The following CADPS variants were observed in gnomAD, a reference collection of about 807,000 sequenced individuals.
CADPS encodes the protein calcium dependent secretion activator, also known as calcium-dependent secretion activator 1.
In CADPS, 57 loss-of-function variants were observed where a neutral mutation model predicts 167.3. The ratio of observed to expected loss-of-function variants is 0.34; its 90% CI spans 0.28 to 0.42. The LOEUF (loss-of-function observed/expected upper bound fraction) is 0.42, where lower values mean the gene tolerates loss of function less well. CADPS is among the 20% of genes least tolerant of loss of function. The pLI is 1.00. For missense variants in CADPS, 1,414 were observed against 1,738.1 expected (o/e 0.81, Z 3.32); for synonymous variants, 676 against 635.3 (o/e 1.06, Z -0.96).
intron 21 of CADPS, among the ~76,000 whole-genome samples, chr3:62,485,611 A>T (rs1213265624): frequency 6.6e-6 from 1 of 152,074 alleles, no homozygotes; most frequent in East Asian, 1.9e-4. Context: ...ACCCAACTAG[A>T]TTGAAACCCT....
chr3:62,736,493 A>C (rs1297383366), intron 3 of CADPS, among the ~76,000 whole-genome samples: 1 of 152,204 alleles, frequency 6.6e-6, no homozygotes, highest in African/African-American at 2.4e-5. Context: ...CTAGTAGGCA[A>C]ATTTTTAAAT....
chr3:62,649,822 G>A (rs1171289708), intron 5 of CADPS, among the ~76,000 whole-genome samples: 1 of 151,906 alleles, frequency 6.6e-6, no homozygotes, highest in African/African-American at 2.4e-5. Flanking sequence ...AAAGTCCTGG[G>A]ATTATAGACA....
At chr3:62,466,487 A>T in intron 24 of CADPS, 74 bp from the exon 25 acceptor site, 1 of 928,124 alleles carries the variant, frequency 1.1e-6, no homozygotes, top group South Asian at 1.4e-5. Flanking sequence ...ATTTTTAGAC[A>T]ACTTAATTTA....
At chr3:62,564,875 G>T (rs1457826911) in intron 9 of CADPS, among the ~76,000 whole-genome samples, 1 of 152,260 alleles carries the variant, frequency 6.6e-6, no homozygotes, top group African/African-American at 2.4e-5. Context: ...AAGGGGCTGG[G>T]ATTACAGGCA....
chr3:62,701,565 C>T (rs1249552245), intron 3 of CADPS, among the ~76,000 whole-genome samples: 1 of 144,704 alleles, frequency 6.9e-6, no homozygotes, highest in Non-Finnish European at 1.5e-5. Context: ...GCCGAGATTG[C>T]ACAACTGCAC....
chr3:62,483,569 A>T (rs1269334714), intron 21 of CADPS, among the ~76,000 whole-genome samples: 1 of 152,148 alleles, frequency 6.6e-6, no homozygotes, highest in Non-Finnish European at 1.5e-5. Context: ...GGTGTCTCAT[A>T]AATTTGTCCT....
At chr3:62,428,281 C>A (rs1424898588) in intron 28 of CADPS, among the ~76,000 whole-genome samples, 2 of 135,008 alleles carry the variant, frequency 1.5e-5, no homozygotes, top group Non-Finnish European at 3.0e-5. Context: ...TTGCAGCCAC[C>A]TGGTGGAAGC....
intron 26 of CADPS, among the ~76,000 whole-genome samples, chr3:62,463,927 ATGTTC>A (rs2059658585): frequency 6.6e-6 from 1 of 152,132 alleles, no homozygotes; most frequent in Non-Finnish European, 1.5e-5. Context: ...ACTGTTTTAA[ATGTTC>A]TGTTTATATT....
intron 1 of CADPS, among the ~76,000 whole-genome samples, chr3:62,820,278 T>C (rs1299478964): frequency 6.6e-6 from 1 of 152,132 alleles, no homozygotes; most frequent in Non-Finnish European, 1.5e-5. Context: ...CACAGCAGGA[T>C]AGCTACTGTG....
At chr3:62,555,612 A>C (rs2078008150) in intron 10 of CADPS, among the ~76,000 whole-genome samples, 1 of 152,220 alleles carries the variant, frequency 6.6e-6, no homozygotes, top group African/African-American at 2.4e-5. Flanking sequence ...CCTGAGGGCT[A>C]AATACAATCA....
intron 10 of CADPS, chr3:62,550,998 G>T: frequency 2.2e-6 from 1 of 452,122 alleles, no homozygotes. Context: ...TTAAATGCTG[G>T]GCTTCTGTCC....
chr3:62,506,077 T>A (rs2066627232), intron 17 of CADPS, among the ~76,000 whole-genome samples: 1 of 152,108 alleles, frequency 6.6e-6, no homozygotes, highest in African/African-American at 2.4e-5. Context: ...TAACATCAGG[T>A]TTCTTAATGC....
intron 9 of CADPS, among the ~76,000 whole-genome samples, chr3:62,568,339 A>C (rs1165290292): frequency 6.6e-6 from 1 of 152,242 alleles, no homozygotes; most frequent in Non-Finnish European, 1.5e-5. Flanking sequence ...GAAGACCCAC[A>C]CGCAGTGTGA....
At chr3:62,696,333 C>A (rs1237728204) in intron 3 of CADPS, among the ~76,000 whole-genome samples, 4 of 152,168 alleles carry the variant, frequency 2.6e-5, no homozygotes, top group African/African-American at 9.7e-5. Context: ...CCCCCTGCCA[C>A]TGGCAGCCAC....
chr3:62,718,299 T>TGAAC lies in CADPS; in HGVS notation c.888+35141_888+35142insGTTC, dbSNP rs1420233639. On this transcript the variant is annotated intron_variant, in intron 3 of 29. Transcript: ENST00000383710. ...CTTGGTGAATGAATGAATGAATGAA[T>TGAAC]ACATTTTTTTAAAAAAATCTACTCA... is the stretch of plus-strand genomic sequence containing the variant. 2.9e-3 allele frequency among the ~76,000 whole-genome samples: 445 copies of TGAAC among 152,318 alleles called. 1 individual carries two copies. The highest frequency in any genetic ancestry group is 0.01 in the African/African-American group (428 of 41,570).
intron 24 of CADPS, among the ~76,000 whole-genome samples, chr3:62,469,479 G>A (rs2060320015): frequency 6.6e-6 from 1 of 151,912 alleles, no homozygotes; most frequent in Admixed American, 6.6e-5. Flanking sequence ...TACAAAGAGG[G>A]AGCTTTACCA....
chr3:62,703,979 A>G (rs1564069540), intron 3 of CADPS, among the ~76,000 whole-genome samples: 2 of 151,810 alleles, frequency 1.3e-5, no homozygotes, highest in Non-Finnish European at 2.9e-5. Flanking sequence ...AGCAATGTCA[A>G]CTCACCATGC....
intron 3 of CADPS, among the ~76,000 whole-genome samples, chr3:62,675,671 G>C (rs558215944): frequency 6.6e-6 from 1 of 152,040 alleles, no homozygotes; most frequent in Non-Finnish European, 1.5e-5. Flanking sequence ...CTAGGGTCTC[G>C]TAATCTAATT....
chr3:62,464,070 ATAG>A lies in CADPS; in HGVS notation c.3636+1294_3636+1296del, dbSNP rs919098309. On this transcript the variant is annotated intron_variant, in intron 26 of 29. Transcript: ENST00000383710. ...TCATATTAGTTACTTTTTAAAAATAATAGTTGCCATTTATTGAACTCTATTATG... is the reference window on the plus strand; with the variant it reads ...TCATATTAGTTACTTTTTAAAAATAATTGCCATTTATTGAACTCTATTATG... Among the ~76,000 whole-genome samples the A allele has an allele frequency of 8.7e-4, 133 of 152,328 alleles. 1 individual carries two copies. Among genetic ancestry groups the A allele is most frequent in the African/African-American group, 3.1e-3 (130 of 41,574 alleles).
Sources: allele counts gnomAD v4.1 joint callset (sites outside exome capture counted in the v4.1 genomes callset), GRCh38; gene constraint gnomAD v4.1.1; transcripts MANE v1.5; gene names NCBI Gene and HGNC (gene_info 2026-07-23, HGNC 2026-07-21).